The following ENTREP2 variants were observed in gnomAD, a reference collection of about 807,000 sequenced individuals.
ENTREP2 encodes protein ENTREP2.
chr15:29,581,419 T>C, the ENTREP2 span, among the ~76,000 whole-genome samples: 1 of 152,174 alleles, frequency 6.6e-6, no homozygotes, highest in African/African-American at 2.4e-5. Flanking sequence ...ACCCACATTA[T>C]GGAGGGGAAT....
chr15:29,368,567 T>C, the ENTREP2 span, among the ~76,000 whole-genome samples: 13 of 151,700 alleles, frequency 8.6e-5, no homozygotes, highest in East Asian at 1.9e-4. Context: ...AATGAAGAGA[T>C]AGAAATTATA....
chr15:29,372,403 A>T, the ENTREP2 span, among the ~76,000 whole-genome samples: 1 of 152,210 alleles, frequency 6.6e-6, no homozygotes, highest in Admixed American at 6.5e-5. Context: ...AACATACAAA[A>T]TATGTGTTAG....
the ENTREP2 span, among the ~76,000 whole-genome samples, chr15:29,624,641 G>A: frequency 6.6e-6 from 1 of 152,194 alleles, no homozygotes; most frequent in Admixed American, 6.5e-5. Flanking sequence ...AGAAGAACCA[G>A]CATCAGTGCT....
chr15:29,593,282 T>G, the ENTREP2 span, among the ~76,000 whole-genome samples: 1 of 152,188 alleles, frequency 6.6e-6, no homozygotes, highest in Admixed American at 6.5e-5. Context: ...CCTGTGCCAG[T>G]TAACAAGCTA....
chr15:29,487,460 T>C, the ENTREP2 span, among the ~76,000 whole-genome samples: 2 of 152,216 alleles, frequency 1.3e-5, no homozygotes, highest in African/African-American at 4.8e-5. Flanking sequence ...TCTCTGCCTC[T>C]CTCTCCAACC....
At chr15:29,139,840 C>A in the ENTREP2 span, among the ~76,000 whole-genome samples, 1 of 152,328 alleles carries the variant, frequency 6.6e-6, no homozygotes, top group South Asian at 2.1e-4. Flanking sequence ...CTCTTCCCCA[C>A]CATCAGTGTG....
the ENTREP2 span, among the ~76,000 whole-genome samples, chr15:29,464,169 G>A: frequency 9.1e-4 from 138 of 152,078 alleles, no homozygotes; most frequent in African/African-American, 2.5e-3. Context: ...CCACTGAACC[G>A]TACTCTTAAA....
At chr15:29,365,433 A>T in the ENTREP2 span, among the ~76,000 whole-genome samples, 2 of 151,886 alleles carry the variant, frequency 1.3e-5, no homozygotes, top group East Asian at 3.9e-4. Flanking sequence ...TTGTATTTTT[A>T]GTAGAGATGG....
the ENTREP2 span, among the ~76,000 whole-genome samples, chr15:29,384,447 T>C: frequency 2.0e-5 from 3 of 152,110 alleles, no homozygotes; most frequent in Non-Finnish European, 2.9e-5. Flanking sequence ...CACTCGCTCT[T>C]GTCTCCACCT....
chr15:29,468,441 T>C, the ENTREP2 span, among the ~76,000 whole-genome samples: 2 of 152,108 alleles, frequency 1.3e-5, no homozygotes, highest in South Asian at 4.2e-4. Context: ...TGAAACCTCG[T>C]CTCCACTAAA....
chr15:29,272,567 G>T, the ENTREP2 span, among the ~76,000 whole-genome samples: 1 of 152,124 alleles, frequency 6.6e-6, no homozygotes, highest in African/African-American at 2.4e-5. Flanking sequence ...TGCAGTCTGC[G>T]GGGCGGCCAT....
At chr15:29,540,935 T>C in the ENTREP2 span, among the ~76,000 whole-genome samples, 1 of 152,242 alleles carries the variant, frequency 6.6e-6, no homozygotes, top group Admixed American at 6.5e-5. Context: ...GATGTCCTAG[T>C]GGCTAGTGAA....
chr15:29,630,370 G>A, the ENTREP2 span, among the ~76,000 whole-genome samples: 2 of 151,996 alleles, frequency 1.3e-5, no homozygotes, highest in Non-Finnish European at 1.5e-5. Flanking sequence ...CTAATTCATC[G>A]TTTCTTTCTA....
chr15:29,589,213 C>G, the ENTREP2 span, among the ~76,000 whole-genome samples: 2 of 152,144 alleles, frequency 1.3e-5, no homozygotes, highest in Non-Finnish European at 2.9e-5. Flanking sequence ...AGGGTGATTA[C>G]AAGCCCACTC....
chr15:29,638,590 C>T, the ENTREP2 span, among the ~76,000 whole-genome samples: 6 of 152,176 alleles, frequency 3.9e-5, no homozygotes, highest in African/African-American at 1.4e-4. Context: ...TAATAAAAAA[C>T]AAAGGGCTGG....
the ENTREP2 span, among the ~76,000 whole-genome samples, chr15:29,255,340 C>T: frequency 6.6e-6 from 1 of 152,114 alleles, no homozygotes; most frequent in African/African-American, 2.4e-5. Flanking sequence ...TACCATCTCA[C>T]ACCAGGCTAT....
the ENTREP2 span, among the ~76,000 whole-genome samples, chr15:29,565,292 T>C: frequency 3.1e-4 from 47 of 152,162 alleles, no homozygotes; most frequent in Non-Finnish European, 6.3e-4. Context: ...TGTGGGTGGA[T>C]GTGCCTACAT....
chr15:29,269,921 A>G, the ENTREP2 span: 3 of 498,062 alleles, frequency 6.0e-6, no homozygotes, highest in Non-Finnish European at 1.0e-5. Flanking sequence ...TTTTCCGTGC[A>G]GCCCTGCAGG....
the ENTREP2 span, among the ~76,000 whole-genome samples, chr15:29,385,443 TA>T: frequency 2.0e-5 from 3 of 152,084 alleles, no homozygotes; most frequent in African/African-American, 4.8e-5. Flanking sequence ...TAACTACAAC[TA>T]GGAATGGATC....
Sources: gnomAD v4.1 joint callset for allele counts (sites outside exome capture counted in the v4.1 genomes callset) on GRCh38, gnomAD v4.1.1 for gene constraint, MANE v1.5 for transcripts, NCBI Gene and HGNC (gene_info 2026-07-23, HGNC 2026-07-21) for gene names.